Variants in TESK2 observed in about 807,000 individuals in gnomAD.
TESK2 encodes the protein testis associated actin remodelling kinase 2.
TESK2 carries 39 observed loss-of-function variants against 57.1 expected under a neutral mutation model. That is an observed-to-expected ratio of 0.68 (90% CI 0.53 to 0.89). The LOEUF (loss-of-function observed/expected upper bound fraction) is 0.89. Among genes scored for constraint, TESK2 ranks in the 40% least tolerant of loss-of-function variants. The pLI, the probability that TESK2 is intolerant of heterozygous loss-of-function variation, is 0.00. For synonymous variants in TESK2, 249 were observed against 267.9 expected (o/e 0.93, Z 0.69); for missense variants, 646 against 732.1 (o/e 0.88, Z 1.36).
chr1:45,390,368 G>A (rs1649085338), intron 3 of TESK2, among the ~76,000 whole-genome samples: 1 of 152,124 alleles, frequency 6.6e-6, no homozygotes, highest in South Asian at 2.1e-4. Flanking sequence ...GTAGGCTGAG[G>A]CAGGAGGATC....
At chr1:45,489,252 G>A (rs1398301347) in intron 1 of TESK2, among the ~76,000 whole-genome samples, 2 of 151,970 alleles carry the variant, frequency 1.3e-5, no homozygotes, top group African/African-American at 4.8e-5. Flanking sequence ...CTATTATAAT[G>A]CTGTTATGTT....
chr1:45,346,103 A>G (rs1189696642), intron 9 of TESK2, 109 bp from the exon 10 acceptor site: 2 of 854,086 alleles, frequency 2.3e-6, no homozygotes, highest in Middle Eastern at 2.4e-4. Flanking sequence ...CAGCTGAGAG[A>G]CCTTTTCTAA....
chr1:45,448,708 A>T (rs1218107844), intron 2 of TESK2, among the ~76,000 whole-genome samples: 1 of 152,182 alleles, frequency 6.6e-6, no homozygotes, highest in African/African-American at 2.4e-5. Context: ...TGATCCAATC[A>T]CTTCCCACTA....
At chr1:45,472,805 A>C (rs1371430836) in intron 1 of TESK2, among the ~76,000 whole-genome samples, 1 of 151,986 alleles carries the variant, frequency 6.6e-6, no homozygotes, top group African/African-American at 2.4e-5. Flanking sequence ...ACCATACTGG[A>C]GCTTAGGAGA....
At chr1:45,414,509 T>G (rs1650159972) in intron 3 of TESK2, among the ~76,000 whole-genome samples, 1 of 152,198 alleles carries the variant, frequency 6.6e-6, no homozygotes, top group African/African-American at 2.4e-5. Flanking sequence ...AACATTACTT[T>G]TTTAAGTTAA....
chr1:45,344,874 A>G lies in TESK2; in HGVS notation c.1682T>C (p.Ile561Thr). 2.5e-6 allele frequency: 4 copies of G among 1,613,514 alleles called. No homozygotes were observed. Among genetic ancestry groups the G allele is most frequent in the Middle Eastern group, 3.6e-4 (2 of 5,526 alleles). Residue 561 changes from isoleucine (I) to threonine (T), a missense_variant, in exon 11 of 11, where the codon ATA (isoleucine) becomes ACA (threonine). By Grantham distance (89) the Ile-to-Thr change is moderately conservative. Coordinates refer to ENST00000372086, the MANE Select transcript of TESK2 (RefSeq NM_007170.3). ...STPATFSTSG[I>T]GLQTQGKQDG Reference sequence around the variant, plus strand: ...CTGCTTTCCCTGGGTTTGCAGGCCTATGCCTGAGGTGGAGAAGGTGGCTGG... The same window carrying G: ...CTGCTTTCCCTGGGTTTGCAGGCCTGTGCCTGAGGTGGAGAAGGTGGCTGG...
chr1:45,398,982 T>TAAAA, intron 3 of TESK2: 1 of 74,150 alleles, frequency 1.3e-5, no homozygotes, highest in Non-Finnish European at 2.5e-5. Context: ...GACTAGGACC[T>TAAAA]GAAAAAAAAA....
intron 3 of TESK2, among the ~76,000 whole-genome samples, chr1:45,393,876 A>G (rs1048675918): frequency 6.6e-6 from 1 of 152,238 alleles, no homozygotes; most frequent in African/African-American, 2.4e-5. Context: ...AACATCAACA[A>G]TAAGTTTTCA....
At chr1:45,403,755 C>T (rs1053928875) in intron 3 of TESK2, among the ~76,000 whole-genome samples, 2 of 151,788 alleles carry the variant, frequency 1.3e-5, no homozygotes, top group African/African-American at 4.8e-5. Flanking sequence ...TAGAAAACAG[C>T]CAAGATTTCT....
chr1:45,357,512 T>C (rs571241807), intron 4 of TESK2, among the ~76,000 whole-genome samples: 57 of 151,232 alleles, frequency 3.8e-4, no homozygotes, highest in Admixed American at 2.6e-3. Context: ...ATAGTCTTGC[T>C]GTTCATCATT....
chr1:45,359,574 T>G (rs1372261205), intron 4 of TESK2, among the ~76,000 whole-genome samples: 1 of 139,126 alleles, frequency 7.2e-6, no homozygotes, highest in Admixed American at 7.2e-5. Context: ...AAAAAATATG[T>G]AAAAGTTGGC....
In TESK2 at chr1:45,482,196, G is replaced by A. The variant is rs538059801; in HGVS notation, c.-87+8656C>T. On this transcript the variant is annotated intron_variant, in intron 1 of 10. Coordinates refer to ENST00000372086, the MANE Select transcript of TESK2 (RefSeq NM_007170.3). ...ATCCATACCAAGTGCCACTAATGCT[G>A]GAAGTGCTCTCAAGAAACAGAAAGG... Among the ~76,000 whole-genome samples, 33 of 152,286 alleles carry A rather than the reference G, an allele frequency of 2.2e-4. 1 individual carries two copies. Among genetic ancestry groups the A allele is most frequent in the Admixed American group, 5.9e-4 (9 of 15,294 alleles).
chr1:45,368,600 C>A (rs544377094), intron 4 of TESK2, among the ~76,000 whole-genome samples: 70 of 152,090 alleles, frequency 4.6e-4, no homozygotes, highest in Non-Finnish European at 9.1e-4. Flanking sequence ...GTCTCGAACT[C>A]CTGACCTCAG....
intron 3 of TESK2, chr1:45,415,148 A>G: frequency 1.3e-6 from 2 of 1,514,796 alleles, no homozygotes; most frequent in South Asian, 2.2e-5. Context: ...TGACCACTGG[A>G]GAGAAAGGAT....
intron 2 of TESK2, among the ~76,000 whole-genome samples, chr1:45,429,563 C>T (rs1650863823): frequency 1.3e-5 from 2 of 151,790 alleles, no homozygotes; most frequent in South Asian, 4.2e-4. Flanking sequence ...TATCAAAATG[C>T]TACTAAACAA....
chr1:45,345,925 G>T lies in TESK2; in HGVS notation c.949C>A (p.Gln317Lys), dbSNP rs372157706. The T allele has an allele frequency of 2.5e-6, 4 of 1,614,016 alleles. No homozygotes were observed. In the African/African-American group the frequency reaches 4.0e-5, roughly 16 times the overall value. ...CTATCCCTCTCCTGCTCTTCTTCCTGTAGGCGGCTCAGAATTTCCTCCAGG... is the reference window on the plus strand; with the variant it reads ...CTATCCCTCTCCTGCTCTTCTTCCTTTAGGCGGCTCAGAATTTCCTCCAGG... ...KTLEEILSRLQEEEQERDRKL... is the reference protein window; with the variant it reads ...KTLEEILSRLKEEEQERDRKL... The change falls in exon 10 of 11, where the codon CAG becomes AAG. Residue 317 changes from glutamine to lysine, a missense_variant. Physicochemically the swap from Gln to Lys is moderately conservative, Grantham distance 53 (BLOSUM62 1). Coordinates refer to ENST00000372086, the MANE Select transcript of TESK2 (RefSeq NM_007170.3).
chr1:45,363,039 A>G (rs958297214), intron 4 of TESK2, among the ~76,000 whole-genome samples: 9 of 152,168 alleles, frequency 5.9e-5, no homozygotes, highest in Admixed American at 3.9e-4. Flanking sequence ...TGGCAGCAAG[A>G]ATGGAAAGGA....
chr1:45,386,281 G>A (rs1648890377), intron 3 of TESK2, among the ~76,000 whole-genome samples: 1 of 148,662 alleles, frequency 6.7e-6, no homozygotes, highest in African/African-American at 2.5e-5. Flanking sequence ...GAAGGCAGAG[G>A]TTGCAGTGAG....
intron 3 of TESK2, among the ~76,000 whole-genome samples, chr1:45,414,323 C>T (rs1650151011): frequency 6.6e-6 from 1 of 152,146 alleles, no homozygotes; most frequent in South Asian, 2.1e-4. Flanking sequence ...TGGTCACCAT[C>T]AGAGGGCAAA....
Sources: gnomAD v4.1 joint callset for allele counts (sites outside exome capture counted in the v4.1 genomes callset) on GRCh38, gnomAD v4.1.1 for gene constraint, MANE v1.5 for transcripts, NCBI Gene and HGNC (gene_info 2026-07-23, HGNC 2026-07-21) for gene names.